KCNIP4: variants seen among roughly 807,000 people sequenced by gnomAD.
The protein encoded by KCNIP4 is potassium voltage-gated channel interacting protein 4.
A neutral mutation model predicts 34.0 loss-of-function variants in KCNIP4; 12 were observed. The observed-to-expected ratio is 0.35, with a 90% CI of 0.23 to 0.57. The LOEUF is 0.57. KCNIP4 is among the 20% of genes least tolerant of loss of function. The pLI is 0.83. For synonymous variants in KCNIP4, 124 were observed against 102.2 expected (o/e 1.21, Z -1.29); for missense variants, 238 against 311.7 (o/e 0.76, Z 1.78).
At chr4:21,722,114 ATT>A in intron 1 of KCNIP4, among the ~76,000 whole-genome samples, 1 of 152,170 alleles carries the variant, frequency 6.6e-6, no homozygotes, top group Non-Finnish European at 1.5e-5. Context: ...TATTGAGCTC[ATT>A]ATTCAGTCTT....
At chr4:21,347,812 G>A (rs1560313365) in intron 1 of KCNIP4, among the ~76,000 whole-genome samples, 1 of 152,170 alleles carries the variant, frequency 6.6e-6, no homozygotes, top group Admixed American at 6.5e-5. Flanking sequence ...TAGGGATCAT[G>A]TGGAGTCTCA....
At chr4:20,801,283 T>A (rs1158968575) in intron 3 of KCNIP4, among the ~76,000 whole-genome samples, 2 of 146,252 alleles carry the variant, frequency 1.4e-5, no homozygotes, top group Non-Finnish European at 3.0e-5. Flanking sequence ...CTTAAGGAAG[T>A]TTTTCAAAAA....
At chr4:21,355,446 G>A (rs1008906384) in intron 1 of KCNIP4, among the ~76,000 whole-genome samples, 4 of 151,802 alleles carry the variant, frequency 2.6e-5, no homozygotes, top group East Asian at 1.9e-4. Context: ...TCAAATAGAC[G>A]CAATAAAAAA....
chr4:21,923,191 A>G (rs187503296), intron 1 of KCNIP4, among the ~76,000 whole-genome samples: 4 of 152,314 alleles, frequency 2.6e-5, no homozygotes, highest in Admixed American at 2.6e-4. Flanking sequence ...CAAAGAATAT[A>G]GGACTAAGCT....
At chr4:21,410,909 A>G (rs1404497995) in intron 1 of KCNIP4, among the ~76,000 whole-genome samples, 1 of 152,174 alleles carries the variant, frequency 6.6e-6, no homozygotes, top group Non-Finnish European at 1.5e-5. Flanking sequence ...GTCTGGCAAC[A>G]TTGACAAAGG....
chr4:21,651,546 T>C (rs1355614496), intron 1 of KCNIP4, among the ~76,000 whole-genome samples: 3 of 152,230 alleles, frequency 2.0e-5, no homozygotes, highest in South Asian at 2.1e-4. Flanking sequence ...TTGTGTGCAA[T>C]TGGGTGACCA....
intron 3 of KCNIP4, among the ~76,000 whole-genome samples, chr4:20,789,749 G>A (rs1712483627): frequency 2.0e-5 from 3 of 151,176 alleles, no homozygotes; most frequent in Middle Eastern, 3.4e-3. Context: ...ATATTTATGA[G>A]ACATCATCCT....
At chr4:21,223,145 A>T (rs1411368892) in intron 1 of KCNIP4, among the ~76,000 whole-genome samples, 1 of 152,176 alleles carries the variant, frequency 6.6e-6, no homozygotes, top group Non-Finnish European at 1.5e-5. Context: ...CAGACAAATC[A>T]CAGGGGTCCT....
At chr4:21,291,867 AAAAGAAAGAAAGAAAGAAAG>A (rs1211617062) in intron 1 of KCNIP4, among the ~76,000 whole-genome samples, 1,716 of 51,078 alleles carry the variant, frequency 0.034, 91 homozygotes, top group South Asian at 0.049. Context: ...AAAAAAAAAA[AAAAGAAAGAAAGAAAGAAAG>A]AAAGAAAGAA....
intron 1 of KCNIP4, among the ~76,000 whole-genome samples, chr4:21,566,519 C>T (rs12501557): frequency 0.047 from 7,109 of 152,168 alleles, 735 homozygotes; most frequent in East Asian, 0.27. Flanking sequence ...TGTCTGCTTC[C>T]CCATTCGCCA....
Position 21,494,998 on chromosome 4 carries a change from C to A in KCNIP4, c.61+453573G>T, listed in dbSNP as rs969166024. Reference sequence around the variant, plus strand: ...AGCAGGTGAGAGAAAAAAAGATAACCAAAGAAATACATTAACAAAAGACAG... The same window carrying A: ...AGCAGGTGAGAGAAAAAAAGATAACAAAAGAAATACATTAACAAAAGACAG... On this transcript the variant is annotated intron_variant, in intron 1 of 8. Transcript: ENST00000382152. Among the ~76,000 whole-genome samples the A allele has an allele frequency of 1.1e-4, 16 of 152,000 alleles. No individual in the cohort carries two copies. In the South Asian group the frequency reaches 1.5e-3, roughly 14 times the overall value.
chr4:21,425,088 C>T (rs545839927), intron 1 of KCNIP4, among the ~76,000 whole-genome samples: 8 of 152,034 alleles, frequency 5.3e-5, no homozygotes, highest in African/African-American at 1.2e-4. Context: ...AATGAGCACT[C>T]GGGAGAGAGG....
chr4:21,541,976 A>G (rs565230563), intron 1 of KCNIP4, among the ~76,000 whole-genome samples: 1 of 152,298 alleles, frequency 6.6e-6, no homozygotes, highest in African/African-American at 2.4e-5. Flanking sequence ...AAGATAGTTT[A>G]ACTATAATTA....
At chr4:20,837,895 G>A (rs952684247) in intron 3 of KCNIP4, among the ~76,000 whole-genome samples, 2 of 150,406 alleles carry the variant, frequency 1.3e-5, no homozygotes, top group African/African-American at 4.9e-5. Context: ...TTGCCATGGT[G>A]GCCAGGTTGG....
chr4:21,605,982 T>C (rs2109132861), intron 1 of KCNIP4, among the ~76,000 whole-genome samples: 1 of 152,250 alleles, frequency 6.6e-6, no homozygotes, highest in East Asian at 1.9e-4. Flanking sequence ...TAGGTTTCCT[T>C]CCTTCTGTTG....
chr4:21,107,256 G>C lies in KCNIP4; in HGVS notation c.62-224547C>G, dbSNP rs1483580604. ...CTAAGTCTCTTTGTAGGTCACTCAG[G>C]ACTTGCTTTATGAATCTGGGTGCTC... On this transcript the variant is annotated intron_variant, in intron 1 of 8. Transcript: ENST00000382152. Among the ~76,000 whole-genome samples, 4 of 144,458 alleles carry C rather than the reference G, an allele frequency of 2.8e-5. No individual in the cohort carries two copies. The East Asian group carries it at 7.9e-4, about 28-fold the overall frequency. The allele number at this position is 144,458 out of a possible 152,430, so 94.8% of individuals were successfully genotyped here.
At chr4:21,065,564 G>A (rs1438651703) in intron 1 of KCNIP4, among the ~76,000 whole-genome samples, 1 of 151,494 alleles carries the variant, frequency 6.6e-6, no homozygotes, top group Non-Finnish European at 1.5e-5. Context: ...TTCTTTCTAA[G>A]TTCTACAAGC....
chr4:20,752,815 G>A (rs918916430), intron 4 of KCNIP4: 36 of 152,186 alleles, frequency 2.4e-4, no homozygotes, highest in African/African-American at 7.7e-4. Context: ...ATGACGAAAA[G>A]AGAAACTGTC....
At chr4:21,702,111 T>C (rs1198492020) in intron 1 of KCNIP4, among the ~76,000 whole-genome samples, 2 of 152,104 alleles carry the variant, frequency 1.3e-5, no homozygotes, top group Non-Finnish European at 2.9e-5. Context: ...AATACCATAG[T>C]CTGGGTGGCT....
Sources: allele counts gnomAD v4.1 joint callset (sites outside exome capture counted in the v4.1 genomes callset), GRCh38; gene constraint gnomAD v4.1.1; transcripts MANE v1.5; gene names NCBI Gene and HGNC (gene_info 2026-07-23, HGNC 2026-07-21).